The following ITPR2 variants were observed in gnomAD, a reference collection of about 807,000 sequenced individuals.
The protein encoded by ITPR2 is inositol 1,4,5-trisphosphate-gated calcium channel ITPR2.
ITPR2 carries 207 observed loss-of-function variants against 317.1 expected under a neutral mutation model. That is an observed-to-expected ratio of 0.65 (90% CI 0.58 to 0.73). ITPR2 has a LOEUF of 0.73. Among genes scored for constraint, ITPR2 ranks in the 30% least tolerant of loss-of-function variants. ITPR2 has a pLI of 0.00. For synonymous variants in ITPR2, 1,156 were observed against 1,149.1 expected (o/e 1.01, Z -0.12); for missense variants, 2,613 against 3,284.0 (o/e 0.80, Z 4.99).
At chr12:26,788,162 T>G (rs1442833261) in intron 2 of ITPR2, among the ~76,000 whole-genome samples, 1 of 152,206 alleles carries the variant, frequency 6.6e-6, no homozygotes, top group Non-Finnish European at 1.5e-5. Context: ...CCTCAGGTGA[T>G]CCACCCGCCT....
intron 37 of ITPR2, among the ~76,000 whole-genome samples, chr12:26,498,829 T>C (rs746155326): frequency 9.2e-5 from 14 of 152,296 alleles, no homozygotes; most frequent in Non-Finnish European, 2.1e-4. Flanking sequence ...GAACCTTTTA[T>C]GTATTATTAT....
At chr12:26,501,121 G>A (rs1486764438) in intron 37 of ITPR2, among the ~76,000 whole-genome samples, 1 of 152,088 alleles carries the variant, frequency 6.6e-6, no homozygotes, top group Non-Finnish European at 1.5e-5. Context: ...AAAGATTCAT[G>A]ATAAGCTACC....
intron 48 of ITPR2, among the ~76,000 whole-genome samples, chr12:26,433,851 G>C (rs1193101451): frequency 6.6e-6 from 1 of 152,138 alleles, no homozygotes; most frequent in Non-Finnish European, 1.5e-5. Context: ...AGCATGTTCT[G>C]TACAGGAAAC....
chr12:26,516,802 A>G (rs1182130103), intron 37 of ITPR2, among the ~76,000 whole-genome samples: 1 of 152,080 alleles, frequency 6.6e-6, no homozygotes, highest in Non-Finnish European at 1.5e-5. Flanking sequence ...ACACTACAGC[A>G]AACAAAGGGA....
At chr12:26,782,769 T>C (rs991776668) in intron 2 of ITPR2, among the ~76,000 whole-genome samples, 3 of 152,242 alleles carry the variant, frequency 2.0e-5, no homozygotes, top group African/African-American at 7.2e-5. Context: ...GTAGCATGTA[T>C]TACATGTTCA....
At chr12:26,468,017 G>A (rs1207299283) in intron 45 of ITPR2, among the ~76,000 whole-genome samples, 1 of 152,100 alleles carries the variant, frequency 6.6e-6, no homozygotes, top group East Asian at 1.9e-4. Flanking sequence ...AGCCAGGTCC[G>A]ACATACATGA....
intron 15 of ITPR2, among the ~76,000 whole-genome samples, chr12:26,661,443 G>A (rs571065844): frequency 9.9e-5 from 15 of 152,094 alleles, no homozygotes; most frequent in Non-Finnish European, 2.1e-4. Flanking sequence ...AAGACATGTC[G>A]CCCAGGGAAC....
chr12:26,547,285 A>G (rs1944411690), intron 37 of ITPR2, among the ~76,000 whole-genome samples: 1 of 152,230 alleles, frequency 6.6e-6, no homozygotes, highest in Non-Finnish European at 1.5e-5. Flanking sequence ...GAAATGGCCG[A>G]GAAGCATATG....
intron 34 of ITPR2, among the ~76,000 whole-genome samples, chr12:26,567,969 T>TTATATATATTA (rs1945028189): frequency 6.9e-5 from 1 of 14,390 alleles, no homozygotes; most frequent in Non-Finnish European, 1.9e-4. Flanking sequence ...TATATATATA[T>TTATATATATTA]TATATATATT....
At chr12:26,404,621 T>C (rs1940288611) in intron 52 of ITPR2, among the ~76,000 whole-genome samples, 1 of 152,104 alleles carries the variant, frequency 6.6e-6, no homozygotes, top group South Asian at 2.1e-4. Flanking sequence ...GTCGGTCAAC[T>C]GTTTTATAGG....
At chr12:26,494,409 T>A in intron 38 of ITPR2, 69 bp from the exon 39 acceptor site, 1 of 947,628 alleles carries the variant, frequency 1.1e-6, no homozygotes, top group Non-Finnish European at 1.5e-6. Flanking sequence ...GTTTTCAAAT[T>A]CTTAAATTTT....
At chr12:26,616,795 C>T (rs1412015669) in intron 26 of ITPR2, among the ~76,000 whole-genome samples, 1 of 152,140 alleles carries the variant, frequency 6.6e-6, no homozygotes, top group East Asian at 1.9e-4. Context: ...CTCTGCCCCC[C>T]TTCAGACAGC....
chr12:26,550,822 C>G (rs1944507404), intron 36 of ITPR2, among the ~76,000 whole-genome samples: 1 of 152,092 alleles, frequency 6.6e-6, no homozygotes, highest in Non-Finnish European at 1.5e-5. Context: ...AGTTTCCATT[C>G]ATAATAATAT....
intron 1 of ITPR2, among the ~76,000 whole-genome samples, chr12:26,813,184 T>C (rs1950787017): frequency 6.6e-6 from 1 of 152,228 alleles, no homozygotes; most frequent in Non-Finnish European, 1.5e-5. Flanking sequence ...TAAAAAGCAT[T>C]TTAGCAGTAA....
chr12:26,627,921 T>TA (rs1284338269), intron 23 of ITPR2, 112 bp downstream of exon 23: 2 of 955,976 alleles, frequency 2.1e-6, no homozygotes, highest in South Asian at 1.8e-5. Flanking sequence ...TAAAGTATAA[T>TA]AAAAAAATTT....
chr12:26,795,316 G>A (rs564962231), intron 1 of ITPR2, among the ~76,000 whole-genome samples: 6 of 152,312 alleles, frequency 3.9e-5, no homozygotes, highest in South Asian at 2.1e-4. Context: ...ACTATAAAAC[G>A]TGTAGAATAC....
chr12:26,570,479 T>C (rs1461210012), intron 34 of ITPR2, among the ~76,000 whole-genome samples: 3 of 152,244 alleles, frequency 2.0e-5, no homozygotes, highest in African/African-American at 7.2e-5. Flanking sequence ...TTAAAATAGA[T>C]ATAATGTTTA....
Position 26,443,563 on chromosome 12 carries a change from T to G in ITPR2, c.6430A>C (p.Asn2144His). ...GTTACCTCAATCTGTGCAGTGTGGT[T>G]GGCATAATACTTTAAGGCTTCATCT... Reference protein sequence around the residue: ...EGDEALKYYANHTAQIEIVRH... With the variant: ...EGDEALKYYAHHTAQIEIVRH... Residue 2144 changes from asparagine to histidine, a missense_variant, in exon 46 of 57, where the codon AAC becomes CAC. This residue lies in a region of ITPR2 where 926 missense variants were observed against 1,072.8 expected (regional missense o/e 0.86). Coordinates refer to ENST00000381340, the MANE Select transcript of ITPR2 (RefSeq NM_002223.4). 6.2e-7 allele frequency: 1 copy of G among 1,612,170 alleles called. No homozygotes were observed. Among genetic ancestry groups the G allele is most frequent in the Non-Finnish European group, 8.5e-7 (1 of 1,178,422 alleles).
At chr12:26,539,324 A>G (rs1307743395) in intron 37 of ITPR2, among the ~76,000 whole-genome samples, 1 of 152,110 alleles carries the variant, frequency 6.6e-6, no homozygotes, top group Non-Finnish European at 1.5e-5. Flanking sequence ...TGCTCTCATT[A>G]ATCTAACTCA....
Sources: gnomAD v4.1 joint callset for allele counts (sites outside exome capture counted in the v4.1 genomes callset) on GRCh38, gnomAD v4.1.1 for gene constraint, gnomAD v4.1.1 regional missense constraint, MANE v1.5 for transcripts, NCBI Gene and HGNC (gene_info 2026-07-23, HGNC 2026-07-21) for gene names.